PKIB: variants seen among roughly 807,000 people sequenced by gnomAD.
The protein encoded by PKIB is cAMP-dependent protein kinase inhibitor beta.
A neutral mutation model predicts 4.5 loss-of-function variants in PKIB; 2 were observed. That is an observed-to-expected ratio of 0.44 (90% CI 0.18 to 1.39). PKIB has a LOEUF of 1.39. PKIB is among the 40% of genes most tolerant of loss of function. PKIB has a pLI of 0.27. For synonymous variants in PKIB, 38 were observed against 36.0 expected (o/e 1.06, Z -0.20); for missense variants, 94 against 92.6 (o/e 1.02, Z -0.06).
At chr6:122,491,176 G>C (rs1433827827) in intron 2 of PKIB, among the ~76,000 whole-genome samples, 1 of 152,138 alleles carries the variant, frequency 6.6e-6, no homozygotes, top group Non-Finnish European at 1.5e-5. Flanking sequence ...TTTATATCTT[G>C]ACATACTTCC....
chr6:122,616,519 A>C (rs1774996715), intron 1 of PKIB, among the ~76,000 whole-genome samples: 1 of 152,156 alleles, frequency 6.6e-6, no homozygotes, highest in African/African-American at 2.4e-5. Flanking sequence ...ATTTTTGTTT[A>C]ATATTTAAAG....
At chr6:122,657,277 A>C (rs2316962) in intron 2 of PKIB, among the ~76,000 whole-genome samples, 44,219 of 152,002 alleles carry the variant, frequency 0.29, 7,059 homozygotes, top group Middle Eastern at 0.36. Context: ...ACTTGAGTCT[A>C]AAATTGCTAC....
In PKIB at chr6:122,687,304, T is replaced by G. The variant is rs144672063; in HGVS notation, c.-9+12160T>G. ...ATGTATAGATTTGTTTCTGGGTACT[T>G]TATTCTATTCCATTGGTCTATATGT... is the stretch of plus-strand genomic sequence containing the variant. On this transcript the variant is annotated intron_variant, in intron 3 of 4. Coordinates refer to ENST00000368452, the MANE Select transcript of PKIB (RefSeq NM_181795.3). Among the ~76,000 whole-genome samples the G allele has an allele frequency of 4.5e-3, 682 of 152,182 alleles. 6 individuals carry two copies. Among genetic ancestry groups the G allele is most frequent in the African/African-American group, 0.015 (628 of 41,536 alleles).
chr6:122,561,694 T>C (rs1011794819), intron 2 of PKIB, among the ~76,000 whole-genome samples: 2 of 152,120 alleles, frequency 1.3e-5, no homozygotes, highest in Non-Finnish European at 2.9e-5. Flanking sequence ...TTAACTGCTG[T>C]TGCTTTAAAG....
chr6:122,719,716 TACACACACAC>T lies in PKIB; in HGVS notation c.169+1797_169+1806del, dbSNP rs202212013. On this transcript the variant is annotated intron_variant, in intron 4 of 4. Coordinates refer to ENST00000368452, the MANE Select transcript of PKIB (RefSeq NM_181795.3). ...AGATTGTGAGTGTTCCCACCACACA[TACACACACAC>T]ACACACACACACACACACACACACA... Among the ~76,000 whole-genome samples the T allele has an allele frequency of 1.7e-3, 231 of 132,888 alleles. 1 individual carries two copies. The highest frequency in any genetic ancestry group is 5.0e-3 in the African/African-American group (196 of 39,460). 87.2% of individuals were successfully genotyped at this position (132,888 alleles called of 152,430 possible). A position where few individuals can be genotyped will look rare whatever the true frequency, so the allele number is the denominator to read the frequency against.
At chr6:122,529,217 A>T (rs926051897) in intron 2 of PKIB, among the ~76,000 whole-genome samples, 1 of 152,102 alleles carries the variant, frequency 6.6e-6, no homozygotes, top group Non-Finnish European at 1.5e-5. Context: ...TTTTGGATAT[A>T]TTACATAGAT....
At chr6:122,540,111 T>G (rs2114634114) in intron 2 of PKIB, among the ~76,000 whole-genome samples, 1 of 152,212 alleles carries the variant, frequency 6.6e-6, no homozygotes, top group East Asian at 1.9e-4. Context: ...ATTGATTTTG[T>G]TGATCTTTTC....
intron 2 of PKIB, among the ~76,000 whole-genome samples, chr6:122,577,866 G>A (rs1478106089): frequency 5.8e-4 from 87 of 148,992 alleles, no homozygotes; most frequent in Non-Finnish European, 8.9e-5. Flanking sequence ...CTGAGATCAC[G>A]CCACTGCACT....
intron 3 of PKIB, among the ~76,000 whole-genome samples, chr6:122,589,342 T>G (rs1025132848): frequency 1.3e-5 from 2 of 152,134 alleles, no homozygotes; most frequent in Admixed American, 6.6e-5. Context: ...TATTACAGTG[T>G]GTACAACACA....
chr6:122,518,174 T>G (rs1306059633), intron 2 of PKIB, among the ~76,000 whole-genome samples: 1 of 152,140 alleles, frequency 6.6e-6, no homozygotes, highest in East Asian at 1.9e-4. Flanking sequence ...CTATGAAATG[T>G]TCTTCTTTGA....
intron 2 of PKIB, among the ~76,000 whole-genome samples, chr6:122,662,308 C>CATTTTTTTTTTTT (rs1491515725): frequency 3.8e-4 from 5 of 13,252 alleles, no homozygotes; most frequent in Non-Finnish European, 6.0e-4. Context: ...TCCTTGTCTC[C>CATTTTTTTTTTTT]TTTTTTTTTT....
intron 3 of PKIB, among the ~76,000 whole-genome samples, chr6:122,703,933 TATATATATAGAGAG>T (rs1358479968): frequency 5.2e-4 from 65 of 125,462 alleles, no homozygotes; most frequent in Non-Finnish European, 6.1e-4. Flanking sequence ...TATATATATA[TATATATATAGAGAG>T]AGAGAGAGAG....
chr6:122,625,366 C>G (rs777016527), intron 1 of PKIB, among the ~76,000 whole-genome samples: 29 of 152,120 alleles, frequency 1.9e-4, no homozygotes, highest in Non-Finnish European at 3.7e-4. Context: ...CTAGTTCTAA[C>G]CCTTCTTTCC....
intron 3 of PKIB, among the ~76,000 whole-genome samples, chr6:122,711,651 G>A (rs981446765): frequency 3.9e-5 from 6 of 152,104 alleles, no homozygotes; most frequent in Admixed American, 3.9e-4. Context: ...AGGCTACATA[G>A]TTTATTGCAG....
intron 2 of PKIB, among the ~76,000 whole-genome samples, chr6:122,639,484 G>A (rs1465715833): frequency 6.6e-6 from 1 of 152,192 alleles, no homozygotes; most frequent in Non-Finnish European, 1.5e-5. Context: ...GCCCTGCACT[G>A]TTGTGAGCTG....
chr6:122,514,260 C>G (rs1158748235), intron 2 of PKIB, among the ~76,000 whole-genome samples: 3 of 152,104 alleles, frequency 2.0e-5, no homozygotes, highest in African/African-American at 7.2e-5. Flanking sequence ...GTATGCTTTC[C>G]TTTTGGTTTG....
At chr6:122,704,278 A>G (rs1241666096) in intron 3 of PKIB, among the ~76,000 whole-genome samples, 1 of 152,154 alleles carries the variant, frequency 6.6e-6, no homozygotes, top group Non-Finnish European at 1.5e-5. Context: ...CCACTGATTC[A>G]GATGTTAATC....
At chr6:122,495,936 T>A (rs1379314428) in intron 2 of PKIB, among the ~76,000 whole-genome samples, 3 of 152,138 alleles carry the variant, frequency 2.0e-5, no homozygotes, top group African/African-American at 7.2e-5. Context: ...TTTCCCCAGA[T>A]GATCCTCCTA....
chr6:122,645,443 A>G (rs1776272819), intron 2 of PKIB, among the ~76,000 whole-genome samples: 1 of 152,134 alleles, frequency 6.6e-6, no homozygotes, highest in Non-Finnish European at 1.5e-5. Context: ...TGTCAACAGG[A>G]GGTTGTCCTG....
Sources: gnomAD v4.1 joint callset for allele counts (sites outside exome capture counted in the v4.1 genomes callset) on GRCh38, gnomAD v4.1.1 for gene constraint, MANE v1.5 for transcripts, NCBI Gene and HGNC (gene_info 2026-07-23, HGNC 2026-07-21) for gene names.